MTM1: variants seen among roughly 807,000 people sequenced by gnomAD.
MTM1 encodes myotubularin 1.
MTM1 carries 9 observed loss-of-function variants against 52.1 expected under a neutral mutation model. That is an observed-to-expected ratio of 0.17 (90% CI 0.10 to 0.30). The LOEUF (loss-of-function observed/expected upper bound fraction) is 0.30. MTM1 is among the 10% of genes least tolerant of loss of function. The pLI is 1.00. For missense variants in MTM1, 277 were observed against 470.7 expected (o/e 0.59, Z 3.81); for synonymous variants, 136 against 163.8 (o/e 0.83, Z 1.29).
At chrX:150,639,279 G>C (rs2039809903) in intron 7 of MTM1, among the ~76,000 whole-genome samples, 1 of 111,438 alleles carries the variant, frequency 9.0e-6, no homozygotes, top group African/African-American at 3.3e-5. Flanking sequence ...TTCCCTATAT[G>C]AAGAGCATCA....
rs1331288010 is a variant in MTM1 at position 150,649,641 on chromosome X, A to C, written c.868-75A>C. 3.2e-5 allele frequency: 31 copies of C among 954,514 alleles called. No individual in the cohort carries two copies. In the African/African-American group the frequency reaches 5.7e-4, roughly 18 times the overall value. 78.7% of individuals were successfully genotyped at this position (954,514 alleles called of 1,213,427 possible). On this transcript the variant is annotated intron_variant, in intron 9 of 14. Coordinates refer to ENST00000370396, the MANE Select transcript of MTM1 (RefSeq NM_000252.3). ...TTTGGGGTTATTTGGAGGACAAATA[A>C]CTAGAAATATTTGTGTAAGTTTCTG...
chrX:150,659,619 T>G, intron 11 of MTM1, 45 bp from the exon 12 acceptor site: 1 of 1,058,086 alleles, frequency 9.5e-7, no homozygotes, highest in Non-Finnish European at 1.3e-6. Context: ...TTTCTCAGTT[T>G]TGTACCCATT....
At chrX:150,570,556 A>G (rs890186581) in intron 1 of MTM1, among the ~76,000 whole-genome samples, 24 of 111,111 alleles carry the variant, frequency 2.2e-4, no homozygotes, top group Middle Eastern at 4.6e-3. Context: ...TCAAATACCT[A>G]GAGAGGTATT....
chrX:150,582,281 TA>T (rs2038599408), intron 1 of MTM1, among the ~76,000 whole-genome samples: 2 of 111,980 alleles, frequency 1.8e-5, no homozygotes, highest in Non-Finnish European at 1.9e-5. Flanking sequence ...TTATTTCTTC[TA>T]AAAAACCATA....
chrX:150,576,903 TATG>T (rs781859008), intron 1 of MTM1, among the ~76,000 whole-genome samples: 5 of 112,435 alleles, frequency 4.4e-5, no homozygotes, highest in Non-Finnish European at 7.5e-5. Flanking sequence ...TATTTTCTAT[TATG>T]ATTATTTCAT....
intron 6 of MTM1, among the ~76,000 whole-genome samples, chrX:150,619,717 C>T (rs924701480): frequency 2.7e-5 from 3 of 111,672 alleles, no homozygotes; most frequent in Non-Finnish European, 5.6e-5. Flanking sequence ...TATCCTGCCT[C>T]GGCCTTGCCT....
At chrX:150,669,932 C>T (rs192495292) in intron 14 of MTM1, among the ~76,000 whole-genome samples, 1 of 111,902 alleles carries the variant, frequency 8.9e-6, no homozygotes, top group Admixed American at 9.5e-5. Flanking sequence ...GTGTTTTTGT[C>T]ATGAAGTCTT....
Position 150,668,285 on chromosome X carries a change from G to A in MTM1, c.1645-3143G>A, listed in dbSNP as rs182833614. Among the ~76,000 whole-genome samples, 18 of 112,422 alleles carry A rather than the reference G, an allele frequency of 1.6e-4. No individual in the cohort carries two copies. The East Asian group carries it at 5.1e-3, about 32-fold the overall frequency. On this transcript the variant is annotated intron_variant, in intron 14 of 14. Transcript: ENST00000370396. Reference sequence around the variant, plus strand: ...TTCTGTTGTTTTAAAAGCCACGCAAGTTTGTGTTAAATTTTTTAGGGCAAC... The same window carrying A: ...TTCTGTTGTTTTAAAAGCCACGCAAATTTGTGTTAAATTTTTTAGGGCAAC...
intron 6 of MTM1, among the ~76,000 whole-genome samples, chrX:150,638,740 A>G (rs941355401): frequency 9.0e-6 from 1 of 111,066 alleles, no homozygotes; most frequent in Non-Finnish European, 1.9e-5. Flanking sequence ...TGAGGCTTCT[A>G]TTACTCAAGA....
chrX:150,632,187 G>C (rs1242570134), intron 6 of MTM1, among the ~76,000 whole-genome samples: 5 of 111,999 alleles, frequency 4.5e-5, no homozygotes, highest in African/African-American at 1.6e-4. Context: ...TGGTGCACAG[G>C]ATGTCACAGG....
intron 14 of MTM1, among the ~76,000 whole-genome samples, chrX:150,669,303 A>G (rs139363361): frequency 0.039 from 4,371 of 111,797 alleles, 102 homozygotes; most frequent in Middle Eastern, 0.083. Flanking sequence ...GGTTGGTTCT[A>G]TGTCTTTGCT....
chrX:150,613,994 G>A (rs782569934), intron 4 of MTM1, among the ~76,000 whole-genome samples: 3 of 112,331 alleles, frequency 2.7e-5, no homozygotes, highest in African/African-American at 6.5e-5. Flanking sequence ...GTGTAAATTC[G>A]TGGTAACAAG....
upstream of MTM1, among the ~76,000 whole-genome samples, chrX:150,564,368 C>A (rs1382053188): frequency 1.8e-5 from 2 of 111,146 alleles, no homozygotes; most frequent in African/African-American, 6.6e-5. Flanking sequence ...TGCTTACATT[C>A]TTTTACTATT....
intron 4 of MTM1, among the ~76,000 whole-genome samples, chrX:150,606,870 C>CTTCCCTCCCTTCCCTGGG (rs1317581208): frequency 1.2e-5 from 1 of 80,317 alleles, no homozygotes; most frequent in Non-Finnish European, 2.6e-5. Flanking sequence ...TCTTCCCTTC[C>CTTCCCTCCCTTCCCTGGG]TTCCCTCCCT....
chrX:150,647,221 A>ATATATATATATATATATATATATG (rs373023705), intron 9 of MTM1, among the ~76,000 whole-genome samples: 39 of 101,595 alleles, frequency 3.8e-4, no homozygotes, highest in African/African-American at 1.5e-3. Context: ...ATATATATAT[A>ATATATATATATATATATATATATG]GCAATATTTT....
At chrX:150,603,017 A>C (rs782358533) in intron 4 of MTM1, among the ~76,000 whole-genome samples, 2 of 112,150 alleles carry the variant, frequency 1.8e-5, no homozygotes, top group African/African-American at 3.2e-5. Flanking sequence ...ACAAGGGAAA[A>C]GACGATTATG....
At chrX:150,628,879 C>A (rs782231206) in intron 6 of MTM1, among the ~76,000 whole-genome samples, 1 of 109,950 alleles carries the variant, frequency 9.1e-6, no homozygotes, top group Admixed American at 9.7e-5. Flanking sequence ...TGGTGTCTCA[C>A]TGTGTTGCCC....
At chrX:150,659,578 G>A (rs1213132237) in intron 11 of MTM1, 86 bp from the exon 12 acceptor site, 2 of 786,230 alleles carry the variant, frequency 2.5e-6, no homozygotes, top group African/African-American at 4.1e-5. Flanking sequence ...GCACATTGCT[G>A]AATTGTATTG....
chrX:150,650,102 T>G (rs782196582), intron 10 of MTM1, among the ~76,000 whole-genome samples: 1 of 111,879 alleles, frequency 8.9e-6, no homozygotes, highest in African/African-American at 3.2e-5. Context: ...CAGAATATAT[T>G]TAGAGTTTGC....
Sources: gnomAD v4.1 joint callset for allele counts (sites outside exome capture counted in the v4.1 genomes callset) on GRCh38, gnomAD v4.1.1 for gene constraint, MANE v1.5 for transcripts, NCBI Gene and HGNC (gene_info 2026-07-23, HGNC 2026-07-21) for gene names.